ABLIM1: variants seen among roughly 807,000 people sequenced by gnomAD.
ABLIM1 encodes actin-binding LIM protein 1.
ABLIM1 carries 40 observed loss-of-function variants against 107.0 expected under a neutral mutation model. The ratio of observed to expected loss-of-function variants is 0.37; its 90% CI spans 0.29 to 0.49. The LOEUF (loss-of-function observed/expected upper bound fraction) is 0.49. Ranked by LOEUF, ABLIM1 falls within the 20% of genes least tolerant of loss-of-function variation. The pLI is 0.97. For missense variants in ABLIM1, 857 were observed against 1,008.5 expected, an observed-to-expected ratio of 0.85 and a Z score of 2.04; for synonymous variants, 357 against 357.3, an observed-to-expected ratio of 1.00 and a Z score of 0.01.
intron 1 of ABLIM1, among the ~76,000 whole-genome samples, chr10:114,741,991 T>C (rs1331359785): frequency 2.0e-5 from 3 of 152,206 alleles, no homozygotes; most frequent in Admixed American, 6.5e-5. Flanking sequence ...AGGAAAACCA[T>C]AACAAAACAT....
At chr10:114,700,693 G>A (rs1196720237) in intron 1 of ABLIM1, among the ~76,000 whole-genome samples, 1 of 151,800 alleles carries the variant, frequency 6.6e-6, no homozygotes, top group Non-Finnish European at 1.5e-5. Flanking sequence ...ATGAGGAAGG[G>A]AATCTTTTCA....
At chr10:114,621,514 T>C (rs887898362) in intron 1 of ABLIM1, among the ~76,000 whole-genome samples, 2 of 152,208 alleles carry the variant, frequency 1.3e-5, no homozygotes, top group African/African-American at 4.8e-5. Context: ...GTAATGAATA[T>C]AGGTTGAATC....
intron 8 of ABLIM1, among the ~76,000 whole-genome samples, chr10:114,477,022 T>C (rs1290337794): frequency 6.6e-6 from 1 of 152,146 alleles, no homozygotes; most frequent in Non-Finnish European, 1.5e-5. Context: ...CTTCCATTAT[T>C]ATTCCTATTT....
At chr10:114,525,171 G>GT (rs2064478682) in intron 6 of ABLIM1, among the ~76,000 whole-genome samples, 1 of 152,222 alleles carries the variant, frequency 6.6e-6, no homozygotes, top group Non-Finnish European at 1.5e-5. Context: ...CCCATAGACA[G>GT]TCCCCTGCAA....
intron 6 of ABLIM1, among the ~76,000 whole-genome samples, chr10:114,507,018 A>C (rs1307828459): frequency 2.6e-5 from 4 of 152,210 alleles, no homozygotes; most frequent in African/African-American, 9.7e-5. Context: ...CTGAGTTATC[A>C]AGACTGTTTT....
intron 6 of ABLIM1, among the ~76,000 whole-genome samples, chr10:114,520,320 G>T (rs1286923096): frequency 6.6e-6 from 1 of 152,136 alleles, no homozygotes; most frequent in Admixed American, 6.5e-5. Flanking sequence ...ACAAACACCG[G>T]TGTCAAGGCA....
intron 1 of ABLIM1, among the ~76,000 whole-genome samples, chr10:114,674,444 G>A (rs1304664393): frequency 1.3e-5 from 2 of 152,174 alleles, no homozygotes; most frequent in Non-Finnish European, 2.9e-5. Context: ...TTGGTGTTCA[G>A]GAATTCAGAA....
intron 8 of ABLIM1, chr10:114,485,196 G>A: frequency 1.2e-6 from 1 of 828,108 alleles, no homozygotes; most frequent in Non-Finnish European, 1.8e-6. Flanking sequence ...CTTTCTGCAG[G>A]AGCCGAAGAA....
chr10:114,614,331 A>C (rs1454219943), intron 1 of ABLIM1, among the ~76,000 whole-genome samples: 2 of 152,100 alleles, frequency 1.3e-5, no homozygotes, highest in Admixed American at 6.5e-5. Context: ...ACACACCAGT[A>C]ATCCCAGCTA....
chr10:114,754,024 T>C (rs1010560996), intron 1 of ABLIM1, among the ~76,000 whole-genome samples: 1 of 152,188 alleles, frequency 6.6e-6, no homozygotes, highest in African/African-American at 2.4e-5. Flanking sequence ...GCTAATTTTT[T>C]TGTATTTTTA....
chr10:114,564,436 T>C (rs2070342646), intron 4 of ABLIM1, among the ~76,000 whole-genome samples: 1 of 136,718 alleles, frequency 7.3e-6, no homozygotes, highest in Non-Finnish European at 1.5e-5. Flanking sequence ...AGCTAATGTT[T>C]GTATTTTTTT....
intron 8 of ABLIM1, among the ~76,000 whole-genome samples, chr10:114,475,560 A>T (rs889839550): frequency 6.6e-6 from 1 of 152,194 alleles, no homozygotes; most frequent in African/African-American, 2.4e-5. Flanking sequence ...AGTTGAGGGA[A>T]TGAGCTAGAA....
intron 2 of ABLIM1, among the ~76,000 whole-genome samples, chr10:114,578,849 T>G (rs1405548624): frequency 2.1e-5 from 3 of 143,262 alleles, no homozygotes; most frequent in Non-Finnish European, 3.0e-5. Flanking sequence ...TGCAGTGGCA[T>G]GATCTCAGCT....
chr10:114,664,614 G>A (rs1252555710), intron 1 of ABLIM1, among the ~76,000 whole-genome samples: 1 of 151,564 alleles, frequency 6.6e-6, no homozygotes, highest in African/African-American at 2.4e-5. Context: ...TGCGATCTTG[G>A]CTCACTGCAA....
chr10:114,717,926 A>AG (rs1466258387), intron 1 of ABLIM1, among the ~76,000 whole-genome samples: 1 of 104,852 alleles, frequency 9.5e-6, no homozygotes, highest in Non-Finnish European at 1.9e-5. Context: ...AGAGGAGAGA[A>AG]GGGGGGGAAG....
chr10:114,622,072 C>T (rs1232550590), intron 1 of ABLIM1, among the ~76,000 whole-genome samples: 2 of 152,114 alleles, frequency 1.3e-5, no homozygotes, highest in African/African-American at 4.8e-5. Flanking sequence ...TGGCAGCAGT[C>T]CAGTAGACAC....
chr10:114,557,802 GA>G (rs1220884519), intron 4 of ABLIM1, among the ~76,000 whole-genome samples: 2 of 133,818 alleles, frequency 1.5e-5, no homozygotes, highest in Admixed American at 1.7e-4. Flanking sequence ...TGTTTTATCT[GA>G]GTTCCTTTCT....
upstream of ABLIM1, among the ~76,000 whole-genome samples, chr10:114,689,215 G>A (rs1425887851): frequency 6.6e-6 from 1 of 152,078 alleles, no homozygotes; most frequent in African/African-American, 2.4e-5. Flanking sequence ...CCAGCTTCGT[G>A]TCCTGGTCCT....
chr10:114,512,134 G>A (rs1450271730), intron 6 of ABLIM1, among the ~76,000 whole-genome samples: 1 of 152,182 alleles, frequency 6.6e-6, no homozygotes, highest in East Asian at 1.9e-4. Flanking sequence ...TTTCCTGGGG[G>A]GAAGCTGCTT....
Sources: allele counts gnomAD v4.1 joint callset (sites outside exome capture counted in the v4.1 genomes callset), GRCh38; gene constraint gnomAD v4.1.1; transcripts MANE v1.5; gene names NCBI Gene and HGNC (gene_info 2026-07-23, HGNC 2026-07-21).